Variants in RBM17 observed in about 807,000 individuals in gnomAD.
The protein encoded by RBM17 is splicing factor 45.
Under a neutral mutation model 53.2 loss-of-function variants are expected in RBM17, and 7 were observed. The ratio of observed to expected loss-of-function variants is 0.13; its 90% CI spans 0.07 to 0.25. The LOEUF is 0.25. Ranked by LOEUF, RBM17 falls within the 10% of genes least tolerant of loss-of-function variation. RBM17 has a pLI of 1.00. For synonymous variants in RBM17, 167 were observed against 178.1 expected (o/e 0.94, Z 0.50); for missense variants, 257 against 496.7 (o/e 0.52, Z 4.59).
chr10:6,109,054 CG>C (rs1424510072), intron 6 of RBM17, among the ~76,000 whole-genome samples: 1 of 150,824 alleles, frequency 6.6e-6, no homozygotes, highest in Non-Finnish European at 1.5e-5. Flanking sequence ...AACAGCAGAT[CG>C]TTACAGTTTT....
At chr10:6,098,851 A>G (rs1290051005) in intron 2 of RBM17, among the ~76,000 whole-genome samples, 1 of 150,162 alleles carries the variant, frequency 6.7e-6, no homozygotes, top group Non-Finnish European at 1.5e-5. Context: ...TCCGGCCAAT[A>G]CACAGGTTTT....
chr10:6,112,929 A>G lies in RBM17; in HGVS notation c.856+568A>G, dbSNP rs1840861591. 5.9e-6 allele frequency: 1 copy of G among 169,494 alleles called. No individual in the cohort carries two copies. The highest frequency in any genetic ancestry group is 2.4e-5 in the African/African-American group (1 of 41,632). The allele number at this position is 169,494 out of a possible 1,614,324, so 10.5% of individuals were successfully genotyped here. A position where few individuals can be genotyped will look rare whatever the true frequency, so the allele number is the denominator to read the frequency against. The stretch of plus-strand genomic sequence containing the variant: ...GTTCTGTGTTGAGGGAATTCAGGAA[A>G]GAGACAAACATATGTTAGCATTTTA... On this transcript the variant is annotated intron_variant, in intron 8 of 11. Coordinates refer to ENST00000379888, the MANE Select transcript of RBM17 (RefSeq NM_032905.5). This position sits in a 1 kb window ranked among gnomAD's most constrained non-coding sequence, Gnocchi z 4.4.
chr10:6,112,652 G>T lies in RBM17; in HGVS notation c.856+291G>T. The T allele has an allele frequency of 4.6e-6, 2 of 430,724 alleles. No individual in the cohort carries two copies. The highest frequency in any genetic ancestry group is 4.2e-5 in the South Asian group (2 of 47,810). 26.7% of individuals were successfully genotyped at this position (430,724 alleles called of 1,614,324 possible). A position where few individuals can be genotyped will look rare whatever the true frequency, so the allele number is the denominator to read the frequency against. On this transcript the variant is annotated intron_variant, in intron 8 of 11. Transcript: ENST00000379888. The surrounding 1 kb of genome is among the most constrained non-coding windows in gnomAD (Gnocchi z 4.4). ...ATGGTGAGAGACTTGGGCAGAAAAT[G>T]AGTAGTCCTCAGGAAGAAATCTTGG...
At chr10:6,100,931 C>T (rs41295143) in intron 2 of RBM17, among the ~76,000 whole-genome samples, 1 of 152,106 alleles carries the variant, frequency 6.6e-6, no homozygotes, top group African/African-American at 2.4e-5. Flanking sequence ...AAATGATTTT[C>T]TTTTAAAAAC....
chr10:6,098,148 G>A (rs1840604957), intron 2 of RBM17, among the ~76,000 whole-genome samples: 1 of 152,112 alleles, frequency 6.6e-6, no homozygotes, highest in Non-Finnish European at 1.5e-5. Flanking sequence ...TACTACTTTA[G>A]AGATCTTTAT....
intron 5 of RBM17, 70 bp downstream of exon 5, chr10:6,106,308 C>T: frequency 9.7e-7 from 1 of 1,035,454 alleles, no homozygotes; most frequent in Admixed American, 2.0e-5. Flanking sequence ...TGTGCTTTTT[C>T]TTTTCAGTTT....
chr10:6,094,046 C>G (rs1022644444), intron 1 of RBM17, among the ~76,000 whole-genome samples: 1 of 141,900 alleles, frequency 7.0e-6, no homozygotes, highest in Non-Finnish European at 1.5e-5. Flanking sequence ...GCAATCTTGG[C>G]TCACCGCAAG....
intron 10 of RBM17, 83 bp from the exon 11 acceptor site, chr10:6,115,156 A>C: frequency 9.7e-7 from 1 of 1,027,994 alleles, no homozygotes; most frequent in African/African-American, 1.6e-5. Context: ...TAGAATATCC[A>C]CTCTGAGAAA....
intron 2 of RBM17, among the ~76,000 whole-genome samples, chr10:6,098,206 G>A (rs1840606202): frequency 6.6e-6 from 1 of 152,090 alleles, no homozygotes; most frequent in African/African-American, 2.4e-5. Flanking sequence ...CCCAAACAGA[G>A]CGAATATTGG....
At chr10:6,107,798 T>C (rs980861346) in intron 5 of RBM17, among the ~76,000 whole-genome samples, 1 of 152,166 alleles carries the variant, frequency 6.6e-6, no homozygotes, top group African/African-American at 2.4e-5. Flanking sequence ...ATTTCTTTTG[T>C]CAAACATTTT....
At position 6,089,881 on chromosome 10, in the gene RBM17, A is replaced by T. The variant is rs972160250; in HGVS notation, c.-19+688A>T. 6.6e-6 allele frequency: 1 copy of T among 152,318 alleles called. No homozygotes were observed. The highest frequency in any genetic ancestry group is 1.5e-5 in the Non-Finnish European group (1 of 68,112). The allele number at this position is 152,318 out of a possible 1,614,324, so 9.4% of individuals were successfully genotyped here. ...TGGTTTCTGGGAAAGCAGGCGTGAAAACCCAGGCCCGGGTTGATTTGAGAA... is the reference window on the plus strand; with the variant it reads ...TGGTTTCTGGGAAAGCAGGCGTGAATACCCAGGCCCGGGTTGATTTGAGAA... On this transcript the variant is annotated intron_variant, in intron 1 of 11. Transcript: ENST00000379888. The surrounding 1 kb of genome is among the most constrained non-coding windows in gnomAD (Gnocchi z 5.6).
intron 5 of RBM17, among the ~76,000 whole-genome samples, chr10:6,107,203 G>A (rs1230985999): frequency 6.6e-6 from 1 of 152,190 alleles, no homozygotes; most frequent in East Asian, 1.9e-4. Flanking sequence ...TTTTGAGATG[G>A]AATCACTCTG....
chr10:6,102,799 T>G (rs1263504278), intron 3 of RBM17, among the ~76,000 whole-genome samples: 1 of 152,176 alleles, frequency 6.6e-6, no homozygotes, highest in East Asian at 1.9e-4. Flanking sequence ...AATGAACATC[T>G]TTTTGTGGTT....
In RBM17 at chr10:6,115,623, G is replaced by A; in HGVS notation, c.*67G>A. 1.9e-6 allele frequency: 2 copies of A among 1,029,580 alleles called. No individual in the cohort carries two copies. Among genetic ancestry groups the A allele is most frequent in the Non-Finnish European group, 3.0e-6 (2 of 656,918 alleles). 63.8% of individuals were successfully genotyped at this position (1,029,580 alleles called of 1,614,324 possible). A position where few individuals can be genotyped will look rare whatever the true frequency, so the allele number is the denominator to read the frequency against. ...ATGAACTGCAGGCTGAGAAAAGAAG[G>A]AAAAAGGTCACAGCCTCCATGGCTG... On this transcript the variant is annotated 3_prime_UTR_variant, in exon 12 of 12. Transcript: ENST00000379888.
At chr10:6,108,875 C>A in intron 6 of RBM17, 133 bp downstream of exon 6, 1 of 478,628 alleles carries the variant, frequency 2.1e-6, no homozygotes, top group Middle Eastern at 4.5e-4. Context: ...GCTCTGTCAC[C>A]TGAGGCCGCA....
chr10:6,089,389 G>A lies in RBM17; in HGVS notation c.-19+196G>A, dbSNP rs1421295277. On this transcript the variant is annotated intron_variant, in intron 1 of 11. Transcript: ENST00000379888. This position sits in a 1 kb window ranked among gnomAD's most constrained non-coding sequence, Gnocchi z 5.6. ...TGGTCTCTCCACGCGGCTGCGGCCC[G>A]GTACCCTCCGCCCGCCGCCGCCTCT... 6.5e-6 allele frequency: 1 copy of A among 152,714 alleles called. No homozygotes were observed. Among genetic ancestry groups the A allele is most frequent in the Non-Finnish European group, 1.5e-5 (1 of 68,452 alleles). The allele number at this position is 152,714 out of a possible 1,614,324, so 9.5% of individuals were successfully genotyped here.
At position 6,112,322 on chromosome 10, in the gene RBM17, C is replaced by T. The variant is rs753761759; in HGVS notation, c.817C>T (p.Arg273Cys). ...TALSVEKTSK[R>C]GGKIIVGDAT... ...CTTGTCAGTGGAGAAGACCAGCAAGCGTGGCGGCAAGATCATCGTGGGCGA... is the reference window on the plus strand; with the variant it reads ...CTTGTCAGTGGAGAAGACCAGCAAGTGTGGCGGCAAGATCATCGTGGGCGA... Residue 273 changes from arginine (R) to cysteine (C), a missense_variant, in exon 8 of 12, where the codon CGT (arginine) becomes TGT (cysteine). Arg to Cys is a radical substitution (Grantham distance 180). This residue lies in a region of RBM17 where 49 missense variants were observed against 114.8 expected (regional missense o/e 0.43). Transcript: ENST00000379888. The surrounding 1 kb of genome is among the most constrained non-coding windows in gnomAD (Gnocchi z 4.4). The T allele has an allele frequency of 1.2e-6, 2 of 1,613,804 alleles. No individual in the cohort carries two copies. The highest frequency in any genetic ancestry group is 2.7e-5 in the African/African-American group (2 of 74,872).
chr10:6,092,622 T>C (rs184403507), intron 1 of RBM17, among the ~76,000 whole-genome samples: 1 of 152,262 alleles, frequency 6.6e-6, no homozygotes, highest in East Asian at 1.9e-4. Context: ...TTATAATAAT[T>C]AAACAAAAGC....
intron 7 of RBM17, 65 bp downstream of exon 7, chr10:6,110,192 A>G (rs903709053): frequency 1.0e-5 from 15 of 1,436,140 alleles, no homozygotes; most frequent in Non-Finnish European, 1.1e-5. Context: ...AGCCCTTTCA[A>G]TAGATGCAGC....
Sources: allele counts gnomAD v4.1 joint callset (sites outside exome capture counted in the v4.1 genomes callset), GRCh38; gene constraint gnomAD v4.1.1; regional missense constraint gnomAD v4.1.1; non-coding constraint Gnocchi (gnomAD v3.1); transcripts MANE v1.5; gene names NCBI Gene and HGNC (gene_info 2026-07-23, HGNC 2026-07-21).